CHN2: variants seen among roughly 807,000 people sequenced by gnomAD.
CHN2 encodes beta-chimaerin.
In CHN2, 35 loss-of-function variants were observed where a neutral mutation model predicts 56.3. The observed-to-expected ratio is 0.62, with a 90% CI of 0.47 to 0.82. The LOEUF is 0.82. Among genes scored for constraint, CHN2 ranks in the 40% least tolerant of loss-of-function variants. CHN2 has a pLI of 0.00. For missense variants in CHN2, 491 were observed against 580.5 expected (o/e 0.85, Z 1.58); for synonymous variants, 210 against 212.8 (o/e 0.99, Z 0.12).
intron 6 of CHN2, among the ~76,000 whole-genome samples, chr7:29,407,425 C>T (rs7800059): frequency 0.058 from 8,802 of 151,802 alleles, 273 homozygotes; most frequent in Middle Eastern, 0.11. Context: ...CAAGCAGAGG[C>T]GTGCATTCAT....
At chr7:29,217,905 A>G (rs1471397334) in intron 1 of CHN2, among the ~76,000 whole-genome samples, 2 of 152,120 alleles carry the variant, frequency 1.3e-5, no homozygotes, top group Non-Finnish European at 2.9e-5. Flanking sequence ...AGGAACTGAG[A>G]GTAGAGCAGT....
chr7:29,377,610 G>T (rs1800170186), intron 3 of CHN2, among the ~76,000 whole-genome samples: 1 of 151,810 alleles, frequency 6.6e-6, no homozygotes, highest in African/African-American at 2.4e-5. Context: ...CAGGATTTTA[G>T]ATAACGAATT....
intron 3 of CHN2, among the ~76,000 whole-genome samples, chr7:29,369,721 C>G (rs1467717272): frequency 6.6e-6 from 1 of 152,130 alleles, no homozygotes; most frequent in Non-Finnish European, 1.5e-5. Context: ...CTCTTACAAA[C>G]TCTTCCTAGA....
chr7:29,308,389 C>G (rs558416616), intron 1 of CHN2, among the ~76,000 whole-genome samples: 8 of 152,318 alleles, frequency 5.3e-5, no homozygotes, highest in African/African-American at 1.7e-4. Flanking sequence ...AGTGCTATCA[C>G]TTACAACCCA....
intron 1 of CHN2, among the ~76,000 whole-genome samples, chr7:29,312,791 T>C (rs1794690161): frequency 6.6e-6 from 1 of 152,316 alleles, no homozygotes; most frequent in African/African-American, 2.4e-5. Context: ...AATGGCATTA[T>C]TTTTAAAACA....
chr7:29,418,260 C>T (rs1803979961), intron 6 of CHN2, among the ~76,000 whole-genome samples: 1 of 152,224 alleles, frequency 6.6e-6, no homozygotes, highest in South Asian at 2.1e-4. Flanking sequence ...AAATGTAAGC[C>T]ACACCAGGCA....
intron 1 of CHN2, among the ~76,000 whole-genome samples, chr7:29,248,111 A>G (rs1788213662): frequency 6.6e-6 from 1 of 152,200 alleles, no homozygotes; most frequent in Non-Finnish European, 1.5e-5. Context: ...AAGCACAGAC[A>G]TTAGATGTGA....
chr7:29,405,488 C>A (rs1470413846), intron 6 of CHN2, among the ~76,000 whole-genome samples: 1 of 152,106 alleles, frequency 6.6e-6, no homozygotes, highest in Non-Finnish European at 1.5e-5. Flanking sequence ...CTCAGCTGTG[C>A]CCTCTGGGAC....
At chr7:29,277,912 C>T (rs1791364840) in intron 1 of CHN2, among the ~76,000 whole-genome samples, 1 of 152,186 alleles carries the variant, frequency 6.6e-6, no homozygotes, top group South Asian at 2.1e-4. Flanking sequence ...TTCAGCCCCT[C>T]AATGACCTTG....
chr7:29,173,384 G>A (rs1035939575), intron 2 of CHN2, among the ~76,000 whole-genome samples: 1 of 151,964 alleles, frequency 6.6e-6, no homozygotes, highest in South Asian at 2.1e-4. Context: ...AGTGAAAGGT[G>A]GTGCTATTAA....
intron 6 of CHN2, among the ~76,000 whole-genome samples, chr7:29,409,091 C>A (rs1163077710): frequency 6.6e-6 from 1 of 152,218 alleles, no homozygotes; most frequent in Non-Finnish European, 1.5e-5. Flanking sequence ...ACAGATCAGG[C>A]TACACAGTGG....
rs937532125 is a variant in CHN2 at position 29,303,569 on chromosome 7, G to A, written c.50-51056G>A. 3.3e-5 allele frequency among the ~76,000 whole-genome samples: 5 copies of A among 152,194 alleles called. No individual in the cohort carries two copies. In the South Asian group the frequency reaches 1.0e-3, roughly 32 times the overall value. On this transcript the variant is annotated intron_variant, in intron 1 of 12. Transcript: ENST00000222792. Reference sequence around the variant, plus strand: ...GGTGGGTGGAGTTTAGGGCCCTTCCGTAGGGACTCCCCGGTGTCTAATACC... The same window carrying A: ...GGTGGGTGGAGTTTAGGGCCCTTCCATAGGGACTCCCCGGTGTCTAATACC...
chr7:29,388,140 C>T (rs1255065790), intron 3 of CHN2, among the ~76,000 whole-genome samples: 2 of 152,144 alleles, frequency 1.3e-5, no homozygotes, highest in Non-Finnish European at 2.9e-5. Flanking sequence ...CTGTTTGAAG[C>T]TTTGCTGCGC....
chr7:29,220,486 T>C (rs1012896779), intron 1 of CHN2, among the ~76,000 whole-genome samples: 1 of 152,048 alleles, frequency 6.6e-6, no homozygotes, highest in Non-Finnish European at 1.5e-5. Context: ...CACCACTATA[T>C]GTCATAGAGA....
chr7:29,349,143 C>T (rs1407990702), intron 1 of CHN2, among the ~76,000 whole-genome samples: 2 of 152,162 alleles, frequency 1.3e-5, no homozygotes, highest in Admixed American at 6.5e-5. Flanking sequence ...ATTTATCTTA[C>T]GCCCACCCTT....
At chr7:29,488,296 C>T (rs1289844788) in intron 7 of CHN2, among the ~76,000 whole-genome samples, 1 of 152,176 alleles carries the variant, frequency 6.6e-6, no homozygotes, top group Non-Finnish European at 1.5e-5. Context: ...CCTAATTTTT[C>T]ATATGAGATG....
At chr7:29,357,219 A>T (rs1354389117) in intron 2 of CHN2, among the ~76,000 whole-genome samples, 1 of 152,170 alleles carries the variant, frequency 6.6e-6, no homozygotes, top group Non-Finnish European at 1.5e-5. Flanking sequence ...TAATCATAAA[A>T]CTTTACTTGC....
intron 7 of CHN2, among the ~76,000 whole-genome samples, chr7:29,489,514 C>T (rs1222142930): frequency 1.3e-5 from 2 of 152,134 alleles, no homozygotes; most frequent in Non-Finnish European, 2.9e-5. Context: ...CAGAGCATGC[C>T]CTCAGCATTT....
At chr7:29,508,736 C>G (rs1263972910) in intron 11 of CHN2, among the ~76,000 whole-genome samples, 1 of 152,166 alleles carries the variant, frequency 6.6e-6, no homozygotes, top group East Asian at 1.9e-4. Flanking sequence ...GTTAATGTGT[C>G]CAGTCTCCAC....
Sources: allele counts gnomAD v4.1 joint callset (sites outside exome capture counted in the v4.1 genomes callset), GRCh38; gene constraint gnomAD v4.1.1; transcripts MANE v1.5; gene names NCBI Gene and HGNC (gene_info 2026-07-23, HGNC 2026-07-21).